Variants in BABAM2 observed in about 807,000 individuals in gnomAD.
BABAM2 encodes BRISC and BRCA1-A complex member 2.
Under a neutral mutation model 54.7 loss-of-function variants are expected in BABAM2, and 31 were observed. That is an observed-to-expected ratio of 0.57 (90% CI 0.43 to 0.77). The LOEUF (loss-of-function observed/expected upper bound fraction) is 0.77. BABAM2 is among the 30% of genes least tolerant of loss of function. BABAM2 has a pLI of 0.00. For missense variants in BABAM2, 364 were observed against 455.8 expected (o/e 0.80, Z 1.83); for synonymous variants, 167 against 162.9 (o/e 1.03, Z -0.19).
At chr2:28,189,490 C>G (rs929540600) in intron 7 of BABAM2, among the ~76,000 whole-genome samples, 1 of 152,064 alleles carries the variant, frequency 6.6e-6, no homozygotes, top group Non-Finnish European at 1.5e-5. Context: ...GGTAGTTGCA[C>G]AGAAAATATT....
chr2:28,164,240 T>C (rs1210829545), intron 7 of BABAM2, among the ~76,000 whole-genome samples: 3 of 152,152 alleles, frequency 2.0e-5, no homozygotes, highest in Admixed American at 6.5e-5. Flanking sequence ...ACATGTGCAA[T>C]TGGTATTTGC....
At chr2:27,935,953 C>G (rs1490135657) in intron 3 of BABAM2, among the ~76,000 whole-genome samples, 1 of 152,084 alleles carries the variant, frequency 6.6e-6, no homozygotes, top group Non-Finnish European at 1.5e-5. Flanking sequence ...GGGTCTTGCT[C>G]TGTCTCCCAG....
At chr2:28,192,326 G>A (rs920014914) in intron 7 of BABAM2, among the ~76,000 whole-genome samples, 6 of 152,066 alleles carry the variant, frequency 3.9e-5, no homozygotes, top group African/African-American at 1.2e-4. Flanking sequence ...GAGCCACTGC[G>A]CCCAGCCAGG....
intron 11 of BABAM2, among the ~76,000 whole-genome samples, chr2:28,336,411 G>T (rs1315894111): frequency 6.6e-6 from 1 of 151,930 alleles, no homozygotes; most frequent in Admixed American, 6.5e-5. Flanking sequence ...AGAGTGACAG[G>T]TAGGGTGTCC....
intron 3 of BABAM2, among the ~76,000 whole-genome samples, chr2:27,940,367 G>A (rs1668784499): frequency 6.6e-6 from 1 of 152,154 alleles, no homozygotes; most frequent in Non-Finnish European, 1.5e-5. Flanking sequence ...TTTAAATAGG[G>A]CAAAGAGTGA....
chr2:27,991,804 G>C (rs1672797632), intron 4 of BABAM2, among the ~76,000 whole-genome samples: 1 of 152,116 alleles, frequency 6.6e-6, no homozygotes. Context: ...AGACTTACAG[G>C]TTGTTGCCGT....
chr2:27,996,359 G>T (rs1367780316), intron 4 of BABAM2: 1 of 154,848 alleles, frequency 6.5e-6, no homozygotes, highest in Non-Finnish European at 1.5e-5. Context: ...GTTCACTTCT[G>T]TTCTGGGATA....
At chr2:28,203,449 G>C (rs986068183) in intron 7 of BABAM2, among the ~76,000 whole-genome samples, 1 of 152,114 alleles carries the variant, frequency 6.6e-6, no homozygotes, top group Non-Finnish European at 1.5e-5. Context: ...TGGCACCTTG[G>C]GTTAGAGAGT....
At chr2:27,914,096 T>C (rs1192480977) in intron 2 of BABAM2, among the ~76,000 whole-genome samples, 1 of 152,204 alleles carries the variant, frequency 6.6e-6, no homozygotes, top group Non-Finnish European at 1.5e-5. Flanking sequence ...ACCAGAATTA[T>C]AGAATTTCAG....
At chr2:27,955,639 T>C (rs997304410) in intron 3 of BABAM2, among the ~76,000 whole-genome samples, 4 of 152,216 alleles carry the variant, frequency 2.6e-5, no homozygotes, top group African/African-American at 9.6e-5. Context: ...CGGGAATTTT[T>C]AGTTTTATTT....
intron 3 of BABAM2, among the ~76,000 whole-genome samples, chr2:27,960,479 T>C (rs1019463978): frequency 1.3e-5 from 2 of 152,110 alleles, no homozygotes; most frequent in Admixed American, 6.5e-5. Context: ...CAGCTAGCAT[T>C]CTGTGGTTAT....
intron 7 of BABAM2, among the ~76,000 whole-genome samples, chr2:28,197,021 A>AT (rs1191582713): frequency 6.6e-5 from 10 of 150,914 alleles, no homozygotes; most frequent in Non-Finnish European, 1.0e-4. Context: ...TTTTTTTGGT[A>AT]TTTTTTATAG....
At chr2:27,918,943 G>A (rs1268702284) in intron 2 of BABAM2, among the ~76,000 whole-genome samples, 1 of 152,060 alleles carries the variant, frequency 6.6e-6, no homozygotes, top group Non-Finnish European at 1.5e-5. Context: ...ACCTGACTTG[G>A]CCTTCTAACG....
At chr2:27,976,315 T>G (rs564374314) in intron 3 of BABAM2, among the ~76,000 whole-genome samples, 1 of 152,098 alleles carries the variant, frequency 6.6e-6, no homozygotes. Context: ...ATGTCTTTCA[T>G]TGGGTAGATG....
chr2:28,047,874 A>G (rs1277673873), intron 6 of BABAM2, among the ~76,000 whole-genome samples: 2 of 152,174 alleles, frequency 1.3e-5, no homozygotes, highest in Non-Finnish European at 2.9e-5. Flanking sequence ...AGAAACAGAA[A>G]CCTACCAGCA....
chr2:28,045,911 A>G (rs1677523588), intron 6 of BABAM2, 112 bp downstream of exon 6: 1 of 834,660 alleles, frequency 1.2e-6, no homozygotes, highest in Non-Finnish European at 1.8e-6. Flanking sequence ...GATGAATTCT[A>G]TTAAAAATAT....
chr2:28,327,446 T>C (rs1317227927), intron 11 of BABAM2: 5 of 1,579,250 alleles, frequency 3.2e-6, no homozygotes, highest in African/African-American at 1.4e-5. Flanking sequence ...TTGATCACTT[T>C]GGTAAGTATT....
chr2:27,892,811 CG>C (rs1573097934), intron 1 of BABAM2, among the ~76,000 whole-genome samples: 1 of 151,998 alleles, frequency 6.6e-6, no homozygotes, highest in Admixed American at 6.6e-5. Context: ...AGAGACTAGT[CG>C]GGGGGCGGTC....
In BABAM2 at chr2:27,929,854, C is replaced by T; in HGVS notation, c.151C>T (p.Pro51Ser). Residue 51 changes from proline (P) to serine (S), a missense_variant, in exon 3 of 12, where the codon CCC becomes TCC. Pro to Ser is a moderately conservative substitution (Grantham distance 74, BLOSUM62 -1). Transcript: ENST00000379624. ...KSGCTSLTPG[P>S]NCDRFKLHIP... The stretch of plus-strand genomic sequence containing the variant: ...AAGCTGCACATCATTGACTCCTGGG[C>T]CCAACTGTGACCGATTTAAACTGCA... 1 of 1,613,776 alleles carries T rather than the reference C, an allele frequency of 6.2e-7. No individual in the cohort carries two copies. Among genetic ancestry groups the T allele is most frequent in the South Asian group, 1.1e-5 (1 of 91,078 alleles).
Sources: allele counts gnomAD v4.1 joint callset (sites outside exome capture counted in the v4.1 genomes callset), GRCh38; gene constraint gnomAD v4.1.1; transcripts MANE v1.5; gene names NCBI Gene and HGNC (gene_info 2026-07-23, HGNC 2026-07-21).